Variants in MFHAS1 observed in about 807,000 individuals in gnomAD.
The protein encoded by MFHAS1 is multifunctional ROCO family signaling regulator 1.
MFHAS1 carries 50 observed loss-of-function variants against 70.4 expected under a neutral mutation model. That is an observed-to-expected ratio of 0.71 (90% CI 0.57 to 0.90). The LOEUF is 0.90. MFHAS1 is among the 40% of genes least tolerant of loss of function. The probability of loss-of-function intolerance (pLI) is 0.00; values close to 1 mark genes in which losing one functional copy is unlikely to be tolerated. For missense variants in MFHAS1, 1,795 were observed against 1,347.6 expected, an observed-to-expected ratio of 1.33 and a Z score of -5.20; for synonymous variants, 952 against 620.0, an observed-to-expected ratio of 1.54 and a Z score of -7.96.
intron 2 of MFHAS1, among the ~76,000 whole-genome samples, chr8:8,789,154 G>C (rs929951276): frequency 1.3e-5 from 2 of 152,202 alleles, no homozygotes; most frequent in African/African-American, 4.8e-5. Context: ...TTGGGCCCTA[G>C]AGGGAAGCCC....
chr8:8,833,571 G>A (rs1242917632), intron 1 of MFHAS1, among the ~76,000 whole-genome samples: 1 of 152,118 alleles, frequency 6.6e-6, no homozygotes, highest in Non-Finnish European at 1.5e-5. Context: ...CAAGGCTGCA[G>A]TGAGCCACGA....
intron 1 of MFHAS1, among the ~76,000 whole-genome samples, chr8:8,888,035 G>A (rs1320233997): frequency 1.3e-5 from 2 of 152,062 alleles, no homozygotes; most frequent in Non-Finnish European, 2.9e-5. Context: ...CTGTAAATGC[G>A]TAACTCCCAG....
At chr8:8,824,713 A>T (rs900145722) in intron 1 of MFHAS1, among the ~76,000 whole-genome samples, 2 of 152,230 alleles carry the variant, frequency 1.3e-5, no homozygotes, top group Non-Finnish European at 2.9e-5. Context: ...TGTAGTCCAG[A>T]TGGGTTTAGC....
At chr8:8,872,193 C>A (rs948234266) in intron 1 of MFHAS1, among the ~76,000 whole-genome samples, 1 of 152,222 alleles carries the variant, frequency 6.6e-6, no homozygotes, top group Non-Finnish European at 1.5e-5. Context: ...CCACCAGATT[C>A]TTCAAAAGCA....
chr8:8,823,669 A>G (rs1014030777), intron 1 of MFHAS1, among the ~76,000 whole-genome samples: 1 of 150,920 alleles, frequency 6.6e-6, no homozygotes, highest in Non-Finnish European at 1.5e-5. Context: ...CTCCCAGGCC[A>G]CCACTTCCCT....
chr8:8,810,169 C>A (rs1477614333), intron 1 of MFHAS1, among the ~76,000 whole-genome samples: 1 of 152,182 alleles, frequency 6.6e-6, no homozygotes, highest in African/African-American at 2.4e-5. Context: ...AAGTTCGAGA[C>A]CAGCCTGGCC....
intron 1 of MFHAS1, among the ~76,000 whole-genome samples, chr8:8,797,983 C>T (rs1208123148): frequency 6.6e-6 from 1 of 152,226 alleles, no homozygotes; most frequent in Non-Finnish European, 1.5e-5. Flanking sequence ...AAAACACAAA[C>T]AGCCTAAGAT....
At chr8:8,863,578 G>C (rs978842926) in intron 1 of MFHAS1, among the ~76,000 whole-genome samples, 2 of 152,118 alleles carry the variant, frequency 1.3e-5, no homozygotes, top group Non-Finnish European at 2.9e-5. Context: ...CTAGTCCTTA[G>C]ATTTTTCCAG....
rs117590436 is a variant in MFHAS1 at position 8,797,569 on chromosome 8, G to A, written c.2999-78C>T. On this transcript the variant is annotated intron_variant, in intron 1 of 2. Coordinates refer to ENST00000276282, the MANE Select transcript of MFHAS1 (RefSeq NM_004225.3). ...TCATTTTACAAAGACAGCACTGCCC[G>A]GGGATGGGGGCAGGGGGAGAAGGGC... is the stretch of plus-strand genomic sequence containing the variant. 13,311 of 1,475,846 alleles carry A rather than the reference G, an allele frequency of 9.0e-3. 97 individuals are homozygous for A. Among genetic ancestry groups the A allele is most frequent in the Non-Finnish European group, 0.011 (12,090 of 1,078,224 alleles). The allele number at this position is 1,475,846 out of a possible 1,614,324, so 91.4% of individuals were successfully genotyped here.
intron 1 of MFHAS1, among the ~76,000 whole-genome samples, chr8:8,851,373 C>G (rs1215469933): frequency 1.3e-5 from 2 of 152,154 alleles, no homozygotes; most frequent in Non-Finnish European, 2.9e-5. Flanking sequence ...AGGCTTTGCA[C>G]AAACATAAAA....
chr8:8,860,172 C>G (rs1808608196), intron 1 of MFHAS1: 1 of 152,202 alleles, frequency 6.6e-6, no homozygotes, highest in Non-Finnish European at 1.5e-5. Flanking sequence ...ACACGCAGGC[C>G]TGAGATTCCA....
At position 8,891,716 on chromosome 8, in the gene MFHAS1, G is replaced by T. The variant is rs1810049213; in HGVS notation, c.1343C>A (p.Pro448Gln). Residue 448 changes from proline to glutamine, a missense_variant, in exon 1 of 3, where the codon CCA (proline) becomes CAA (glutamine). Pro to Gln is a moderately conservative substitution (Grantham distance 76). Coordinates refer to ENST00000276282, the MANE Select transcript of MFHAS1 (RefSeq NM_004225.3). This position sits in a 1 kb window ranked among gnomAD's most constrained non-coding sequence, Gnocchi z 5.4. ...CTTGCTCACAGGGGGAGGTGACGGT[G>T]GGTAGCACTTCTCCTTGTCCCCTCC... is the stretch of plus-strand genomic sequence containing the variant. ...PGGGDKEKCY[P>Q]PSPPPVSKGI... The T allele has an allele frequency of 6.2e-7, 1 of 1,613,452 alleles. No homozygotes were observed. The highest frequency in any genetic ancestry group is 8.5e-7 in the Non-Finnish European group (1 of 1,180,016).
At chr8:8,857,101 A>G (rs1808473656) in intron 1 of MFHAS1, among the ~76,000 whole-genome samples, 1 of 152,152 alleles carries the variant, frequency 6.6e-6, no homozygotes, top group South Asian at 2.1e-4. Context: ...CCAAATTCTA[A>G]AAAGAGTCTT....
Position 8,783,721 on chromosome 8 carries a change from T to TA in MFHAS1, c.*2300_*2301insT, listed in dbSNP as rs1454903120. The stretch of plus-strand genomic sequence containing the variant: ...ACGCCTTGCTTAGAAAACATTCCTC[T>TA]TGTGCTTAGTGAATCACCTATCGCC... On this transcript the variant is annotated 3_prime_UTR_variant, in exon 3 of 3. Coordinates refer to ENST00000276282, the MANE Select transcript of MFHAS1 (RefSeq NM_004225.3). The TA allele has an allele frequency of 6.6e-6, 1 of 152,216 alleles. No homozygotes were observed. Among genetic ancestry groups the TA allele is most frequent in the African/African-American group, 2.4e-5 (1 of 41,448 alleles). 9.4% of individuals were successfully genotyped at this position (152,216 alleles called of 1,614,324 possible). A position where few individuals can be genotyped will look rare whatever the true frequency, so the allele number is the denominator to read the frequency against.
intron 2 of MFHAS1, among the ~76,000 whole-genome samples, chr8:8,787,724 G>C (rs1182029193): frequency 2.0e-5 from 3 of 152,164 alleles, no homozygotes; most frequent in African/African-American, 4.8e-5. Flanking sequence ...TGTGAGTTTT[G>C]GGTTCACGTG....
chr8:8,813,206 G>A (rs139432931), intron 1 of MFHAS1, among the ~76,000 whole-genome samples: 1 of 152,152 alleles, frequency 6.6e-6, no homozygotes, highest in Non-Finnish European at 1.5e-5. Flanking sequence ...CAGTGATGCT[G>A]GTATAAACCA....
intron 2 of MFHAS1, among the ~76,000 whole-genome samples, chr8:8,796,992 T>A (rs2117257525): frequency 6.6e-6 from 1 of 152,120 alleles, no homozygotes; most frequent in Middle Eastern, 3.4e-3. Flanking sequence ...CGAGACTCCA[T>A]CTCAAAAAAC....
intron 1 of MFHAS1, among the ~76,000 whole-genome samples, chr8:8,838,800 AG>A (rs1301980195): frequency 7.2e-6 from 1 of 139,186 alleles, no homozygotes; most frequent in East Asian, 2.4e-4. Flanking sequence ...CAACAGGGCG[AG>A]ACCCTGCCTC....
intron 1 of MFHAS1, among the ~76,000 whole-genome samples, chr8:8,833,393 C>T (rs547694648): frequency 4.6e-5 from 7 of 152,174 alleles, no homozygotes; most frequent in Admixed American, 1.3e-4. Context: ...TATGGAGAGG[C>T]GGAAGTGGGA....
Sources: allele counts gnomAD v4.1 joint callset (sites outside exome capture counted in the v4.1 genomes callset), GRCh38; gene constraint gnomAD v4.1.1; non-coding constraint Gnocchi (gnomAD v3.1); transcripts MANE v1.5; gene names NCBI Gene and HGNC (gene_info 2026-07-23, HGNC 2026-07-21).